Variants in MAP4 observed in about 807,000 individuals in gnomAD.
MAP4 encodes the protein microtubule associated protein 4, also known as microtubule-associated protein 4.
MAP4 carries 76 observed loss-of-function variants against 170.2 expected under a neutral mutation model. The observed-to-expected ratio is 0.45, with a 90% confidence interval of 0.37 to 0.54. The LOEUF (loss-of-function observed/expected upper bound fraction) is 0.54, where lower values mean the gene tolerates loss of function less well. Ranked by LOEUF, MAP4 falls within the 20% of genes least tolerant of loss-of-function variation. The probability of loss-of-function intolerance (pLI) is 0.00; values close to 1 mark genes in which losing one functional copy is unlikely to be tolerated. For missense variants in MAP4, 2,506 were observed against 2,748.0 expected (o/e 0.91, Z 1.97); for synonymous variants, 909 against 994.5 (o/e 0.91, Z 1.62).
At chr3:48,039,691 G>T (rs2100120642) in intron 1 of MAP4, among the ~76,000 whole-genome samples, 1 of 152,192 alleles carries the variant, frequency 6.6e-6, no homozygotes, top group African/African-American at 2.4e-5. Context: ...AGTCCAAATG[G>T]TTCTGATGCA....
At chr3:47,937,656 C>CTTTTT (rs71070243) in intron 3 of MAP4, among the ~76,000 whole-genome samples, 31 of 107,928 alleles carry the variant, frequency 2.9e-4, no homozygotes, top group Non-Finnish European at 3.8e-4. Context: ...TTTTCTTCTT[C>CTTTTT]TTTTTTTTTT....
At chr3:48,057,977 G>A (rs1255641148) in intron 1 of MAP4, among the ~76,000 whole-genome samples, 1 of 152,144 alleles carries the variant, frequency 6.6e-6, no homozygotes, top group Non-Finnish European at 1.5e-5. Context: ...GCTGAACTAT[G>A]AGTTACATAT....
At position 47,912,228 on chromosome 3, in the gene MAP4, G is replaced by C; in HGVS notation, c.2193C>G (p.Ser731=). The C allele has an allele frequency of 2.6e-6, 4 of 1,536,102 alleles. No individual in the cohort carries two copies. Among genetic ancestry groups the C allele is most frequent in the Non-Finnish European group, 3.5e-6 (4 of 1,146,888 alleles). ...TTTGGTTCCCAGGCCCACCACAGGA[G>C]GATGAACCAGAGACCCAACCTGACT... ...LSESGWVSGS[S]SCGGPGNQRK... is the part of the protein sequence containing the mutation. The change falls in exon 9 of 21, where the codon TCC becomes TCG. Residue 731 remains serine, a synonymous_variant. Coordinates refer to ENST00000683076, the MANE Select transcript of MAP4 (RefSeq NM_001385682.1).
chr3:48,083,358 G>T (rs929498129), intron 1 of MAP4, among the ~76,000 whole-genome samples: 2 of 152,084 alleles, frequency 1.3e-5, no homozygotes, highest in African/African-American at 4.8e-5. Context: ...AAGAAGTGAG[G>T]AAAGTTATAA....
intron 1 of MAP4, among the ~76,000 whole-genome samples, chr3:48,006,502 C>T (rs1213274178): frequency 6.6e-6 from 1 of 152,158 alleles, no homozygotes; most frequent in East Asian, 1.9e-4. Context: ...GGTCATTACC[C>T]CAGTGCCAGA....
In MAP4 at chr3:48,043,017, G is replaced by A. The variant is rs561653175; in HGVS notation, c.-19-44138C>T. Among the ~76,000 whole-genome samples, 3 of 152,178 alleles carry A rather than the reference G, an allele frequency of 2.0e-5. No individual in the cohort carries two copies. In the East Asian group the frequency reaches 5.8e-4, roughly 29 times the overall value. ...TAAAGAACATGGGATTTCTTTTGGG[G>A]GTCATGAAAATGTTCTAGACTTTAC... On this transcript the variant is annotated intron_variant, in intron 1 of 18. Coordinates refer to the MAP4 transcript ENST00000360240.
intron 3 of MAP4, among the ~76,000 whole-genome samples, chr3:47,950,419 T>C (rs2100062959): frequency 6.6e-6 from 1 of 152,006 alleles, no homozygotes; most frequent in African/African-American, 2.4e-5. Context: ...ACCTTGCCAA[T>C]GGGAAAGGGG....
In MAP4 at chr3:48,016,374, G is replaced by C. The variant is rs1461898837; in HGVS notation, c.-60C>G. ...AGCTTGTGTTCAGTCCTGACTAAATGCATTTTGGATCAGGCACCTGCCTTC... is the reference window on the plus strand; with the variant it reads ...AGCTTGTGTTCAGTCCTGACTAAATCCATTTTGGATCAGGCACCTGCCTTC... On this transcript the variant is annotated 5_prime_UTR_variant, in exon 1 of 21. Transcript: ENST00000683076. 1.3e-5 allele frequency: 2 copies of C among 152,124 alleles called. No homozygotes were observed. Among genetic ancestry groups the C allele is most frequent in the African/African-American group, 4.8e-5 (2 of 41,424 alleles). 9.4% of individuals were successfully genotyped at this position (152,124 alleles called of 1,614,324 possible).
At chr3:47,861,416 G>A (rs2065684298) in intron 17 of MAP4, among the ~76,000 whole-genome samples, 1 of 147,432 alleles carries the variant, frequency 6.8e-6, no homozygotes, top group South Asian at 2.2e-4. Flanking sequence ...CCAATGGCAT[G>A]ATTTCAACTC....
chr3:47,970,447 T>C (rs980943539), intron 3 of MAP4, among the ~76,000 whole-genome samples: 2 of 151,552 alleles, frequency 1.3e-5, no homozygotes, highest in Non-Finnish European at 2.9e-5. Context: ...ATTGTGCCAT[T>C]GCACTGCGCT....
chr3:47,988,060 G>A (rs1380014798), intron 2 of MAP4, among the ~76,000 whole-genome samples: 3 of 152,004 alleles, frequency 2.0e-5, no homozygotes, highest in African/African-American at 4.8e-5. Context: ...CGGGCGTGGC[G>A]GCACACGCCT....
At chr3:47,952,776 T>C (rs1226518786) in intron 3 of MAP4, among the ~76,000 whole-genome samples, 2 of 151,794 alleles carry the variant, frequency 1.3e-5, no homozygotes, top group East Asian at 1.9e-4. Context: ...ATACAAAAAT[T>C]GGTCGGGTGT....
intron 10 of MAP4, among the ~76,000 whole-genome samples, chr3:47,879,831 T>C (rs1324827844): frequency 2.6e-5 from 4 of 152,230 alleles, no homozygotes; most frequent in Admixed American, 2.0e-4. Context: ...GCAACTACTA[T>C]GTTCTCCATC....
At chr3:47,857,851 G>A (rs2059196619) in intron 17 of MAP4, among the ~76,000 whole-genome samples, 1 of 151,942 alleles carries the variant, frequency 6.6e-6, no homozygotes, top group African/African-American at 2.4e-5. Context: ...TGGGATTACA[G>A]GCGTGTACCA....
chr3:48,003,831 G>A (rs958927446), intron 1 of MAP4, among the ~76,000 whole-genome samples: 1 of 152,042 alleles, frequency 6.6e-6, no homozygotes, highest in Admixed American at 6.6e-5. Flanking sequence ...TAATTGGGTG[G>A]GCACCATCTA....
intron 3 of MAP4, among the ~76,000 whole-genome samples, chr3:47,930,228 G>A (rs1157250781): frequency 3.3e-5 from 5 of 151,320 alleles, no homozygotes; most frequent in South Asian, 4.2e-4. Context: ...GGTGGATCAT[G>A]AGGTCAGGAG....
intron 1 of MAP4, among the ~76,000 whole-genome samples, chr3:48,056,842 G>T (rs1243791718): frequency 2.8e-5 from 3 of 107,898 alleles, no homozygotes; most frequent in Non-Finnish European, 6.0e-5. Flanking sequence ...GAGGGAGGTG[G>T]GGGGGGGGTC....
chr3:47,922,611 T>G (rs557491036), intron 4 of MAP4, among the ~76,000 whole-genome samples: 1 of 150,664 alleles, frequency 6.6e-6, no homozygotes, highest in African/African-American at 2.4e-5. Flanking sequence ...GTGGACATGA[T>G]GAAGAAAACT....
chr3:47,995,569 G>A (rs1203173231), intron 2 of MAP4, among the ~76,000 whole-genome samples: 1 of 152,028 alleles, frequency 6.6e-6, no homozygotes, highest in African/African-American at 2.4e-5. Context: ...ATATTTATAT[G>A]GATATAATTA....
Sources: gnomAD v4.1 joint callset for allele counts (sites outside exome capture counted in the v4.1 genomes callset) on GRCh38, gnomAD v4.1.1 for gene constraint, MANE v1.5 for transcripts, NCBI Gene and HGNC (gene_info 2026-07-23, HGNC 2026-07-21) for gene names.